Variants in DLGAP1 observed in about 807,000 individuals in gnomAD.
The protein encoded by DLGAP1 is disks large-associated protein 1.
Under a neutral mutation model 90.8 loss-of-function variants are expected in DLGAP1, and 11 were observed. The ratio of observed to expected loss-of-function variants is 0.12; its 90% CI spans 0.08 to 0.20. The LOEUF is 0.20. DLGAP1 is among the 10% of genes least tolerant of loss of function. The probability of loss-of-function intolerance (pLI) is 1.00; values close to 1 mark genes in which losing one functional copy is unlikely to be tolerated. For synonymous variants in DLGAP1, 558 were observed against 540.7 expected (o/e 1.03, Z -0.44); for missense variants, 1,050 against 1,333.8 (o/e 0.79, Z 3.31).
chr18:4,279,124 G>A (rs73376961), intron 1 of DLGAP1, among the ~76,000 whole-genome samples: 4,258 of 152,306 alleles, frequency 0.028, 189 homozygotes, highest in African/African-American at 0.096. Flanking sequence ...TGGACTGGAA[G>A]TGGCAGACCT....
chr18:3,900,392 G>C (rs1469505736), intron 3 of DLGAP1, among the ~76,000 whole-genome samples: 2 of 152,192 alleles, frequency 1.3e-5, no homozygotes, highest in Non-Finnish European at 2.9e-5. Context: ...TGGGCACCAG[G>C]TCCTTTGGAA....
At chr18:4,152,940 A>T (rs1203279943) in intron 1 of DLGAP1, among the ~76,000 whole-genome samples, 1 of 152,212 alleles carries the variant, frequency 6.6e-6, no homozygotes, top group Non-Finnish European at 1.5e-5. Flanking sequence ...TTAATTTCTA[A>T]AAATATATAG....
At chr18:3,533,847 C>A (rs1295317014) in intron 10 of DLGAP1, among the ~76,000 whole-genome samples, 1 of 152,124 alleles carries the variant, frequency 6.6e-6, no homozygotes, top group African/African-American at 2.4e-5. Context: ...TATTTTCAAT[C>A]CCCTGAGGAT....
intron 2 of DLGAP1, among the ~76,000 whole-genome samples, chr18:4,036,743 A>T (rs995833613): frequency 2.6e-5 from 4 of 152,084 alleles, no homozygotes; most frequent in African/African-American, 9.7e-5. Flanking sequence ...AGAATTTTTC[A>T]GGGGGGGAAG....
intron 7 of DLGAP1, among the ~76,000 whole-genome samples, chr18:3,589,383 T>C (rs543863598): frequency 2.0e-5 from 3 of 152,288 alleles, no homozygotes; most frequent in Admixed American, 6.5e-5. Context: ...AACTCCCTTT[T>C]TGTGCCTTTT....
chr18:4,156,233 T>A (rs2076753886), intron 1 of DLGAP1, among the ~76,000 whole-genome samples: 1 of 152,194 alleles, frequency 6.6e-6, no homozygotes, highest in Admixed American at 6.5e-5. Flanking sequence ...CATAGGTGGC[T>A]GGATATACAA....
chr18:3,820,725 TA>T (rs2067361267), intron 4 of DLGAP1, among the ~76,000 whole-genome samples: 1 of 152,230 alleles, frequency 6.6e-6, no homozygotes, highest in Non-Finnish European at 1.5e-5. Flanking sequence ...AATTATGGAA[TA>T]ATCTCAATGA....
chr18:4,386,234 A>T (rs2082227995), intron 1 of DLGAP1, among the ~76,000 whole-genome samples: 2 of 152,184 alleles, frequency 1.3e-5, no homozygotes, highest in Admixed American at 1.3e-4. Flanking sequence ...CAGAATGCCG[A>T]CCAGATCGAG....
intron 7 of DLGAP1, among the ~76,000 whole-genome samples, chr18:3,622,066 T>G (rs1384038009): frequency 6.6e-6 from 1 of 152,092 alleles, no homozygotes; most frequent in Non-Finnish European, 1.5e-5. Context: ...TGTATGTGTA[T>G]GTTGGCTGTG....
rs149097123 is a variant in DLGAP1, at chr18:4,174,199, C to T, written c.-266-22912G>A. Among the ~76,000 whole-genome samples the T allele has an allele frequency of 2.1e-4, 32 of 152,272 alleles. No individual in the cohort carries two copies. The East Asian group carries it at 3.5e-3, about 17-fold the overall frequency. On this transcript the variant is annotated intron_variant, in intron 1 of 12. Transcript: ENST00000315677. ...CCAATTACCTGAATTCTAACCACAC[C>T]GAATCCCAACCCAGAGGCCCAAGAA...
At chr18:3,619,032 C>A (rs766033853) in intron 7 of DLGAP1, among the ~76,000 whole-genome samples, 1 of 152,246 alleles carries the variant, frequency 6.6e-6, no homozygotes, top group African/African-American at 2.4e-5. Flanking sequence ...ACAGCAGGAC[C>A]TACGTGCATA....
chr18:4,002,190 A>C (rs2074200634), intron 3 of DLGAP1, among the ~76,000 whole-genome samples: 1 of 152,156 alleles, frequency 6.6e-6, no homozygotes, highest in South Asian at 2.1e-4. Flanking sequence ...AATTACTTTA[A>C]GCAACCAAAA....
intron 3 of DLGAP1, among the ~76,000 whole-genome samples, chr18:3,954,272 T>G (rs2073043271): frequency 6.6e-6 from 1 of 152,208 alleles, no homozygotes; most frequent in Non-Finnish European, 1.5e-5. Flanking sequence ...CATAATAAAT[T>G]AGAACTATGT....
chr18:3,709,141 G>A (rs2061526948), intron 7 of DLGAP1, among the ~76,000 whole-genome samples: 1 of 152,096 alleles, frequency 6.6e-6, no homozygotes, highest in Admixed American at 6.6e-5. Flanking sequence ...ATATACACTT[G>A]CAAATGATGG....
intron 1 of DLGAP1, among the ~76,000 whole-genome samples, chr18:4,413,220 G>A (rs1464899419): frequency 2.0e-5 from 3 of 152,092 alleles, no homozygotes; most frequent in African/African-American, 7.2e-5. Flanking sequence ...GACATGAGGA[G>A]GAGCAGTGCA....
intron 5 of DLGAP1, among the ~76,000 whole-genome samples, chr18:3,806,772 T>C (rs1345429791): frequency 6.6e-6 from 1 of 151,714 alleles, no homozygotes; most frequent in Non-Finnish European, 1.5e-5. Flanking sequence ...AAGTGAGGAG[T>C]CTTTGTTGCC....
chr18:4,032,467 T>A (rs2074811727), intron 2 of DLGAP1, among the ~76,000 whole-genome samples: 1 of 152,134 alleles, frequency 6.6e-6, no homozygotes, highest in Non-Finnish European at 1.5e-5. Flanking sequence ...AAACAAGACA[T>A]AACAAAGCTA....
chr18:3,933,660 T>C (rs951888187), intron 3 of DLGAP1, among the ~76,000 whole-genome samples: 1 of 152,232 alleles, frequency 6.6e-6, no homozygotes, highest in Admixed American at 6.5e-5. Context: ...GGTTGGCCAC[T>C]GGCCTTAATC....
At chr18:3,758,181 T>C (rs982980383) in intron 5 of DLGAP1, among the ~76,000 whole-genome samples, 42 of 151,464 alleles carry the variant, frequency 2.8e-4, no homozygotes, top group African/African-American at 1.0e-3. Flanking sequence ...AGCATCATTA[T>C]TGGAGTTTCT....
Sources: gnomAD v4.1 joint callset for allele counts (sites outside exome capture counted in the v4.1 genomes callset) on GRCh38, gnomAD v4.1.1 for gene constraint, MANE v1.5 for transcripts, NCBI Gene and HGNC (gene_info 2026-07-23, HGNC 2026-07-21) for gene names.